TAFA1: variants seen among roughly 807,000 people sequenced by gnomAD.
The protein encoded by TAFA1 is chemokine-like protein TAFA-1.
A neutral mutation model predicts 18.5 loss-of-function variants in TAFA1; 4 were observed. The ratio of observed to expected loss-of-function variants is 0.22; its 90% CI spans 0.11 to 0.49. The LOEUF (loss-of-function observed/expected upper bound fraction) is 0.49. TAFA1 is among the 20% of genes least tolerant of loss of function. The pLI is 0.98. For missense variants in TAFA1, 147 were observed against 169.0 expected (o/e 0.87, Z 0.72); for synonymous variants, 56 against 55.2 (o/e 1.01, Z -0.06).
intron 3 of TAFA1, among the ~76,000 whole-genome samples, chr3:68,450,514 A>G (rs1379594468): frequency 6.6e-6 from 1 of 152,232 alleles, no homozygotes; most frequent in African/African-American, 2.4e-5. Context: ...AGAATGGCTC[A>G]TGGGCAGGTG....
chr3:68,235,119 G>T (rs1291793763), intron 2 of TAFA1, among the ~76,000 whole-genome samples: 1 of 151,604 alleles, frequency 6.6e-6, no homozygotes, highest in African/African-American at 2.4e-5. Context: ...TGAAGGGGCT[G>T]CTCTCTAAGG....
At chr3:68,450,271 C>T (rs2071550121) in intron 3 of TAFA1, among the ~76,000 whole-genome samples, 2 of 152,052 alleles carry the variant, frequency 1.3e-5, no homozygotes, top group South Asian at 4.1e-4. Context: ...AACTAAAAGA[C>T]TAGGAAAGGA....
intron 2 of TAFA1, among the ~76,000 whole-genome samples, chr3:68,104,088 T>C (rs2065179103): frequency 6.6e-6 from 1 of 152,192 alleles, no homozygotes; most frequent in Non-Finnish European, 1.5e-5. Context: ...ATCTTGTGTA[T>C]AATAATTAGT....
rs1328169846 is a variant in TAFA1, at chr3:68,181,028, A to T, written c.118+174284A>T. ...GCAATGCTGCATAAACACACAAAGTACGGACGAGAAGGCCACCTTTGGCCA... is the reference window on the plus strand; with the variant it reads ...GCAATGCTGCATAAACACACAAAGTTCGGACGAGAAGGCCACCTTTGGCCA... On this transcript the variant is annotated intron_variant, in intron 2 of 4. Coordinates refer to ENST00000478136, the MANE Select transcript of TAFA1 (RefSeq NM_213609.4). Among the ~76,000 whole-genome samples the T allele has an allele frequency of 2.6e-5, 4 of 152,224 alleles. No homozygotes were observed. The East Asian group carries it at 7.7e-4, about 29-fold the overall frequency.
intron 2 of TAFA1, among the ~76,000 whole-genome samples, chr3:68,186,318 G>A (rs773494552): frequency 9.2e-5 from 14 of 151,842 alleles, no homozygotes; most frequent in Admixed American, 2.0e-4. Flanking sequence ...AACCCTTTCC[G>A]CAGAAGTACC....
At chr3:68,499,730 A>T (rs1004752614) in intron 3 of TAFA1, among the ~76,000 whole-genome samples, 4 of 151,858 alleles carry the variant, frequency 2.6e-5, no homozygotes, top group Admixed American at 2.0e-4. Context: ...TGAATAATGG[A>T]GGTGATTTTT....
At chr3:68,265,252 G>C (rs2067520851) in intron 2 of TAFA1, among the ~76,000 whole-genome samples, 1 of 152,128 alleles carries the variant, frequency 6.6e-6, no homozygotes, top group South Asian at 2.1e-4. Flanking sequence ...TAACAGGTGT[G>C]GATTTCATTT....
chr3:68,175,034 G>A (rs926854994), intron 2 of TAFA1, among the ~76,000 whole-genome samples: 2 of 152,214 alleles, frequency 1.3e-5, no homozygotes, highest in Non-Finnish European at 2.9e-5. Context: ...GGCTTCAGGG[G>A]ATGCCAGCTT....
At chr3:68,244,122 A>G (rs1246164694) in intron 2 of TAFA1, among the ~76,000 whole-genome samples, 1 of 152,166 alleles carries the variant, frequency 6.6e-6, no homozygotes, top group African/African-American at 2.4e-5. Flanking sequence ...CTATTTTATA[A>G]TTAGGTTGGA....
chr3:68,512,737 C>A (rs1248966097), intron 3 of TAFA1, among the ~76,000 whole-genome samples: 1 of 151,212 alleles, frequency 6.6e-6, no homozygotes, highest in Non-Finnish European at 1.5e-5. Flanking sequence ...ATGTCCAGGA[C>A]CTTATAACTA....
intron 3 of TAFA1, among the ~76,000 whole-genome samples, chr3:68,530,856 G>T (rs536165003): frequency 2.6e-5 from 4 of 151,992 alleles, no homozygotes; most frequent in South Asian, 2.1e-4. Context: ...TTTGTTTTCT[G>T]CAAGTATTTG....
Position 68,357,201 on chromosome 3 carries a change from T to G in TAFA1, c.119-60079T>G, listed in dbSNP as rs1278405051. The stretch of plus-strand genomic sequence containing the variant: ...TCAATAACTATTTGCCTAATTAGAA[T>G]AGAAGTAAATCTTCTCAGAAAACAG... On this transcript the variant is annotated intron_variant, in intron 2 of 4. Coordinates refer to ENST00000478136, the MANE Select transcript of TAFA1 (RefSeq NM_213609.4). Among the ~76,000 whole-genome samples the G allele has an allele frequency of 2.0e-5, 3 of 152,004 alleles. No homozygotes were observed. The East Asian group carries it at 5.8e-4, about 29-fold the overall frequency.
intron 3 of TAFA1, among the ~76,000 whole-genome samples, chr3:68,423,194 A>T (rs1227757533): frequency 6.6e-6 from 1 of 152,084 alleles, no homozygotes; most frequent in Non-Finnish European, 1.5e-5. Context: ...ATAATAATAA[A>T]AATAATGTTT....
chr3:68,364,294 G>A (rs2069526637), intron 2 of TAFA1, among the ~76,000 whole-genome samples: 1 of 152,132 alleles, frequency 6.6e-6, no homozygotes, highest in Admixed American at 6.5e-5. Context: ...CCAGGGACAG[G>A]CCAGATAACT....
intron 2 of TAFA1, among the ~76,000 whole-genome samples, chr3:68,055,553 G>A (rs188977618): frequency 2.0e-5 from 3 of 152,006 alleles, no homozygotes; most frequent in African/African-American, 7.2e-5. Context: ...CCTTACTCAA[G>A]CCATATTAGA....
intron 2 of TAFA1, among the ~76,000 whole-genome samples, chr3:68,081,842 C>A (rs1023392961): frequency 1.3e-5 from 2 of 152,230 alleles, no homozygotes; most frequent in Non-Finnish European, 2.9e-5. Flanking sequence ...GGGCTCCACC[C>A]AGTTCGAGCT....
chr3:68,145,395 A>T (rs890745856), intron 2 of TAFA1: 5 of 841,702 alleles, frequency 5.9e-6, no homozygotes, highest in Non-Finnish European at 1.1e-5. Flanking sequence ...ATCATCACTG[A>T]TGATTTTGCA....
chr3:68,534,576 A>T (rs1219410870), intron 3 of TAFA1, among the ~76,000 whole-genome samples: 5 of 152,160 alleles, frequency 3.3e-5, no homozygotes, highest in Admixed American at 2.6e-4. Context: ...CAAATCATCC[A>T]ACTCTATTTA....
intron 2 of TAFA1, among the ~76,000 whole-genome samples, chr3:68,162,035 G>A (rs1575653487): frequency 1.3e-5 from 2 of 152,294 alleles, no homozygotes; most frequent in East Asian, 3.9e-4. Flanking sequence ...GAGCCTACAG[G>A]TCACAAGTTC....
Sources: allele counts gnomAD v4.1 joint callset (sites outside exome capture counted in the v4.1 genomes callset), GRCh38; gene constraint gnomAD v4.1.1; transcripts MANE v1.5; gene names NCBI Gene and HGNC (gene_info 2026-07-23, HGNC 2026-07-21).